The following KDM7A variants were observed in gnomAD, a reference collection of about 807,000 sequenced individuals.
KDM7A encodes the protein lysine demethylase 7A, also known as lysine-specific demethylase 7A.
A neutral mutation model predicts 114.8 loss-of-function variants in KDM7A; 28 were observed. The observed-to-expected ratio is 0.24, with a 90% CI of 0.18 to 0.33. The LOEUF (loss-of-function observed/expected upper bound fraction) is 0.33, where lower values mean the gene tolerates loss of function less well. KDM7A is among the 10% of genes least tolerant of loss of function. KDM7A has a pLI of 1.00. For synonymous variants in KDM7A, 423 were observed against 397.8 expected, an observed-to-expected ratio of 1.06 and a Z score of -0.75; for missense variants, 942 against 1,142.5, an observed-to-expected ratio of 0.82 and a Z score of 2.53.
intron 1 of KDM7A, among the ~76,000 whole-genome samples, chr7:140,142,420 T>C (rs1373019802): frequency 1.4e-5 from 2 of 140,728 alleles, no homozygotes; most frequent in African/African-American, 5.3e-5. Context: ...TATAAATCAA[T>C]ACAAAAAAAA....
intron 3 of KDM7A, 147 bp downstream of exon 3, chr7:140,133,392 G>T (rs1217102423): frequency 1.3e-5 from 7 of 532,898 alleles, no homozygotes; most frequent in Non-Finnish European, 2.0e-5. Flanking sequence ...TTTCTATTTC[G>T]TTAAGGAAGA....
intron 1 of KDM7A, among the ~76,000 whole-genome samples, chr7:140,157,992 AAATAAT>A (rs141893583): frequency 1.3e-3 from 189 of 146,446 alleles, no homozygotes; most frequent in African/African-American, 3.9e-3. Context: ...ATAAATAAAT[AAATAAT>A]AATAATAATA....
intron 11 of KDM7A, among the ~76,000 whole-genome samples, chr7:140,106,908 T>C (rs1818346826): frequency 6.6e-6 from 1 of 152,196 alleles, no homozygotes; most frequent in Non-Finnish European, 1.5e-5. Flanking sequence ...CCATTATTAT[T>C]GTGTGGGAGT....
intron 1 of KDM7A, among the ~76,000 whole-genome samples, chr7:140,159,958 A>AC (rs1303511710): frequency 6.6e-5 from 10 of 151,666 alleles, no homozygotes; most frequent in South Asian, 2.1e-4. Flanking sequence ...AAAAAAAAAA[A>AC]AAAAAAACCT....
intron 1 of KDM7A, among the ~76,000 whole-genome samples, chr7:140,173,515 T>G (rs1482241171): frequency 6.6e-6 from 1 of 152,062 alleles, no homozygotes; most frequent in Admixed American, 6.6e-5. Flanking sequence ...AAACTAAAAT[T>G]TATATATATC....
intron 1 of KDM7A, among the ~76,000 whole-genome samples, chr7:140,168,558 A>ACT (rs1162887527): frequency 6.7e-6 from 1 of 149,818 alleles, no homozygotes; most frequent in Non-Finnish European, 1.5e-5. Context: ...ACAGAGCAAG[A>ACT]CTCTATCTCA....
In KDM7A at chr7:140,176,243, G is replaced by A. The variant is rs1221516246; in HGVS notation, c.194+501C>T. ...CGACAGGGACCCGCGGCGCGGAGGAGACGCGGGGCCGGGGCGACCCCATCG... is the reference window on the plus strand; with the variant it reads ...CGACAGGGACCCGCGGCGCGGAGGAAACGCGGGGCCGGGGCGACCCCATCG... On this transcript the variant is annotated intron_variant, in intron 1 of 19. Coordinates refer to ENST00000397560, the MANE Select transcript of KDM7A (RefSeq NM_030647.2). This position sits in a 1 kb window ranked among gnomAD's most constrained non-coding sequence, Gnocchi z 4.4. Among the ~76,000 whole-genome samples the A allele has an allele frequency of 6.6e-6, 1 of 151,278 alleles. No individual in the cohort carries two copies. Among genetic ancestry groups the A allele is most frequent in the Non-Finnish European group, 1.5e-5 (1 of 67,816 alleles).
chr7:140,153,662 T>C (rs550834877), intron 1 of KDM7A, among the ~76,000 whole-genome samples: 27 of 152,342 alleles, frequency 1.8e-4, no homozygotes, highest in African/African-American at 6.5e-4. Flanking sequence ...GTAAAACTAA[T>C]ACTTCTTTAG....
intron 1 of KDM7A, among the ~76,000 whole-genome samples, chr7:140,139,936 G>A (rs1458632803): frequency 1.3e-5 from 2 of 152,184 alleles, no homozygotes; most frequent in Non-Finnish European, 2.9e-5. Flanking sequence ...GGGCAAACCT[G>A]AGTCATGAGG....
chr7:140,146,178 T>C (rs1794338367), intron 1 of KDM7A, among the ~76,000 whole-genome samples: 2 of 152,200 alleles, frequency 1.3e-5, no homozygotes, highest in South Asian at 4.1e-4. Context: ...TGAAATCTGG[T>C]AAACTAGTAC....
At position 140,088,604 on chromosome 7, in the gene KDM7A, G is replaced by A. The variant is rs1817971566; in HGVS notation, c.*2490C>T. Reference sequence around the variant, plus strand: ...ATTATGGCCAGTAATGTTATAAGACGTTTGACCAGGAGTCACTGGATCAGT... The same window carrying A: ...ATTATGGCCAGTAATGTTATAAGACATTTGACCAGGAGTCACTGGATCAGT... On this transcript the variant is annotated 3_prime_UTR_variant, in exon 20 of 20. Coordinates refer to ENST00000397560, the MANE Select transcript of KDM7A (RefSeq NM_030647.2). 1.0e-5 allele frequency: 4 copies of A among 397,536 alleles called. No individual in the cohort carries two copies. The East Asian group carries it at 1.1e-4, about 11-fold the overall frequency. The allele number at this position is 397,536 out of a possible 1,614,324, so 24.6% of individuals were successfully genotyped here.
intron 18 of KDM7A, among the ~76,000 whole-genome samples, 190 bp downstream of exon 18, chr7:140,093,866 A>G (rs1562943785): frequency 6.6e-6 from 1 of 152,196 alleles, no homozygotes; most frequent in Non-Finnish European, 1.5e-5. Flanking sequence ...TCTATCCATG[A>G]GCCTTATGTT....
chr7:140,101,047 C>T (rs1460587358), intron 12 of KDM7A, among the ~76,000 whole-genome samples: 2 of 151,436 alleles, frequency 1.3e-5, no homozygotes, highest in African/African-American at 4.9e-5. Context: ...GTTATGTTGG[C>T]CTTAAACTCC....
intron 12 of KDM7A, among the ~76,000 whole-genome samples, chr7:140,100,707 TAC>T (rs1401828404): frequency 1.9e-4 from 7 of 37,622 alleles, no homozygotes; most frequent in African/African-American, 3.2e-4. Flanking sequence ...TATATATATA[TAC>T]ACATATATAT....
chr7:140,164,810 A>G lies in KDM7A; in HGVS notation c.194+11934T>C, dbSNP rs368529667. On this transcript the variant is annotated intron_variant, in intron 1 of 19. Transcript: ENST00000397560. ...CAAAGTAGCCAGGTAAGGGTGTAGT[A>G]ATGAAACTGGCAGTGAATTGATACT... Among the ~76,000 whole-genome samples, 3 of 152,292 alleles carry G rather than the reference A, an allele frequency of 2.0e-5. No individual in the cohort carries two copies. The East Asian group carries it at 5.8e-4, about 29-fold the overall frequency.
At chr7:140,140,546 C>T (rs1225485776) in intron 1 of KDM7A, among the ~76,000 whole-genome samples, 7 of 151,924 alleles carry the variant, frequency 4.6e-5, no homozygotes, top group Non-Finnish European at 8.8e-5. Flanking sequence ...GAGGCCGAGG[C>T]GGGTGGATCA....
In KDM7A at chr7:140,126,669, C is replaced by T. The variant is rs991204123; in HGVS notation, c.856G>A (p.Gly286Ser). 4.3e-6 allele frequency: 7 copies of T among 1,612,716 alleles called. No homozygotes were observed. The highest frequency in any genetic ancestry group is 5.1e-6 in the Non-Finnish European group (6 of 1,179,368). The stretch of plus-strand genomic sequence containing the variant: ...ACATGGTACCAGACTGAAGTTCCAC[C>T]GAAGTCAATGTGGAAATCTGTATAG... ...DSYTDFHIDF[G>S]GTSVWYHVLW... The change falls in exon 6 of 20, where the codon GGT (glycine) becomes AGT (serine). Residue 286 changes from glycine (G) to serine (S), a missense_variant. Transcript: ENST00000397560.
chr7:140,115,209 G>A (rs903325281), intron 9 of KDM7A, among the ~76,000 whole-genome samples: 1 of 150,436 alleles, frequency 6.6e-6, no homozygotes, highest in Non-Finnish European at 1.5e-5. Flanking sequence ...CGCCCCGTCC[G>A]GGAGGTAGGG....
At chr7:140,172,176 T>C (rs1335698456) in intron 1 of KDM7A, among the ~76,000 whole-genome samples, 1 of 152,208 alleles carries the variant, frequency 6.6e-6, no homozygotes, top group Non-Finnish European at 1.5e-5. Context: ...CCTACAAGCA[T>C]CTATACCCTT....
Sources: gnomAD v4.1 joint callset for allele counts (sites outside exome capture counted in the v4.1 genomes callset) on GRCh38, gnomAD v4.1.1 for gene constraint, Gnocchi (gnomAD v3.1) non-coding constraint, MANE v1.5 for transcripts, NCBI Gene and HGNC (gene_info 2026-07-23, HGNC 2026-07-21) for gene names.